SH3GL2: variants seen among roughly 807,000 people sequenced by gnomAD.
The protein encoded by SH3GL2 is endophilin-A1.
A neutral mutation model predicts 46.0 loss-of-function variants in SH3GL2; 24 were observed. That is an observed-to-expected ratio of 0.52 (90% confidence interval 0.38 to 0.73). SH3GL2 has a LOEUF of 0.73. Ranked by LOEUF, SH3GL2 falls within the 30% of genes least tolerant of loss-of-function variation. SH3GL2 has a pLI of 0.00. For missense variants in SH3GL2, 413 were observed against 424.2 expected (o/e 0.97, Z 0.23); for synonymous variants, 196 against 147.1 (o/e 1.33, Z -2.40).
Position 17,659,444 on chromosome 9 carries a change from GGT to G in SH3GL2, c.45+80174_45+80175del, listed in dbSNP as rs751658195. The stretch of plus-strand genomic sequence containing the variant: ...TGGAATGTCAGCCATTGAAGTAAGT[GGT>G]GTGTGTGTGTGTGTGTTTTCTCACG... On this transcript the variant is annotated intron_variant, in intron 1 of 8. Transcript: ENST00000380607. Among the ~76,000 whole-genome samples the G allele has an allele frequency of 6.9e-3, 1,039 of 150,794 alleles. 13 individuals carry two copies. The highest frequency in any genetic ancestry group is 0.024 in the African/African-American group (996 of 41,280).
At chr9:17,638,274 A>C (rs1353368796) in intron 1 of SH3GL2, among the ~76,000 whole-genome samples, 1 of 152,218 alleles carries the variant, frequency 6.6e-6, no homozygotes, top group Non-Finnish European at 1.5e-5. Context: ...GTATCAAAAA[A>C]GTCCTATTTC....
At chr9:17,756,783 C>T (rs1309299121) in intron 2 of SH3GL2, among the ~76,000 whole-genome samples, 1 of 152,194 alleles carries the variant, frequency 6.6e-6, no homozygotes, top group African/African-American at 2.4e-5. Context: ...CCGCAATAAA[C>T]ATACGTGTGC....
At chr9:17,771,215 C>G (rs541913085) in intron 3 of SH3GL2, among the ~76,000 whole-genome samples, 1 of 152,248 alleles carries the variant, frequency 6.6e-6, no homozygotes, top group East Asian at 1.9e-4. Flanking sequence ...ATTGGGAACA[C>G]CTGTCACTGT....
chr9:17,718,097 C>G (rs1179610773), intron 1 of SH3GL2, among the ~76,000 whole-genome samples: 1 of 152,110 alleles, frequency 6.6e-6, no homozygotes, highest in African/African-American at 2.4e-5. Context: ...CTGTAAATCT[C>G]TACTGATGCT....
chr9:17,706,005 A>T (rs1821463607), intron 1 of SH3GL2, among the ~76,000 whole-genome samples: 1 of 152,086 alleles, frequency 6.6e-6, no homozygotes, highest in Non-Finnish European at 1.5e-5. Context: ...TTAATAAAAA[A>T]AATTTTGGAG....
chr9:17,637,238 T>C (rs118058448), intron 1 of SH3GL2, among the ~76,000 whole-genome samples: 3,743 of 152,270 alleles, frequency 0.025, 71 homozygotes, highest in Middle Eastern at 0.058. Flanking sequence ...ACTTTAGCCA[T>C]ATATATCTTA....
intron 1 of SH3GL2, among the ~76,000 whole-genome samples, chr9:17,682,694 AAAAGG>A (rs988961481): frequency 7.9e-5 from 12 of 151,876 alleles, no homozygotes; most frequent in African/African-American, 2.7e-4. Flanking sequence ...AAAAAAAAAA[AAAAGG>A]AAAACATGGG....
chr9:17,706,104 C>T (rs1183256854), intron 1 of SH3GL2, among the ~76,000 whole-genome samples: 1 of 151,950 alleles, frequency 6.6e-6, no homozygotes, highest in Admixed American at 6.6e-5. Flanking sequence ...TGTAAGAGAT[C>T]AAAGTAATAT....
chr9:17,650,474 C>T (rs1158291051), intron 1 of SH3GL2, among the ~76,000 whole-genome samples: 1 of 152,058 alleles, frequency 6.6e-6, no homozygotes, highest in Non-Finnish European at 1.5e-5. Context: ...CGGGTTCAAG[C>T]GATTCTCCTG....
chr9:17,616,218 G>A (rs1359168887), intron 1 of SH3GL2, among the ~76,000 whole-genome samples: 1 of 152,106 alleles, frequency 6.6e-6, no homozygotes, highest in East Asian at 1.9e-4. Context: ...AGATAAATTA[G>A]GAAGCTTTCA....
intron 1 of SH3GL2, among the ~76,000 whole-genome samples, chr9:17,659,369 C>T (rs1056727835): frequency 6.6e-6 from 1 of 152,090 alleles, no homozygotes; most frequent in Non-Finnish European, 1.5e-5. Context: ...GCTGGCAGAG[C>T]CATTCCTGAG....
intron 1 of SH3GL2, among the ~76,000 whole-genome samples, chr9:17,647,410 T>TG (rs1819844293): frequency 1.9e-5 from 1 of 53,102 alleles, no homozygotes; most frequent in Non-Finnish European, 8.7e-5. Context: ...CTCTTGTTAG[T>TG]TTCTCTCTCT....
intron 1 of SH3GL2, among the ~76,000 whole-genome samples, chr9:17,600,411 C>G (rs539889289): frequency 6.6e-6 from 1 of 152,322 alleles, no homozygotes; most frequent in African/African-American, 2.4e-5. Context: ...CACCTCCACA[C>G]AAGCCTTTCT....
At chr9:17,760,770 CAGAG>C (rs1823147053) in intron 2 of SH3GL2, among the ~76,000 whole-genome samples, 2 of 152,210 alleles carry the variant, frequency 1.3e-5, no homozygotes, top group African/African-American at 2.4e-5. Flanking sequence ...TGGAGAAAGA[CAGAG>C]AGCACTGCAG....
At chr9:17,669,290 G>A (rs1317094840) in intron 1 of SH3GL2, among the ~76,000 whole-genome samples, 7 of 152,044 alleles carry the variant, frequency 4.6e-5, no homozygotes, top group Non-Finnish European at 8.8e-5. Context: ...ACTCATTTAT[G>A]TATATATGTG....
intron 8 of SH3GL2, among the ~76,000 whole-genome samples, chr9:17,794,882 A>G (rs1331136933): frequency 6.6e-6 from 1 of 152,276 alleles, no homozygotes; most frequent in African/African-American, 2.4e-5. Flanking sequence ...TAGTAGCCAC[A>G]GTAGTAATGT....
chr9:17,754,509 TA>T (rs1222832840), intron 2 of SH3GL2, among the ~76,000 whole-genome samples: 1 of 151,890 alleles, frequency 6.6e-6, no homozygotes, highest in East Asian at 1.9e-4. Context: ...CTGACTCTAC[TA>T]AATATACAAA....
chr9:17,748,650 C>T (rs989644066), intron 2 of SH3GL2, among the ~76,000 whole-genome samples: 6 of 151,854 alleles, frequency 4.0e-5, no homozygotes, highest in Admixed American at 1.3e-4. Flanking sequence ...TAAATATTTT[C>T]TTTGTGTCTT....
intron 1 of SH3GL2, among the ~76,000 whole-genome samples, chr9:17,603,514 A>G (rs1447217859): frequency 1.3e-5 from 2 of 152,086 alleles, no homozygotes; most frequent in African/African-American, 4.8e-5. Context: ...AGAGTTTCAG[A>G]TGGGAGAGAT....
Sources: gnomAD v4.1 joint callset for allele counts (sites outside exome capture counted in the v4.1 genomes callset) on GRCh38, gnomAD v4.1.1 for gene constraint, MANE v1.5 for transcripts, NCBI Gene and HGNC (gene_info 2026-07-23, HGNC 2026-07-21) for gene names.